The following ANO10 variants were observed in gnomAD, a reference collection of about 807,000 sequenced individuals.
ANO10 encodes the protein anoctamin-10.
Under a neutral mutation model 74.7 loss-of-function variants are expected in ANO10, and 77 were observed. The ratio of observed to expected loss-of-function variants is 1.03; its 90% CI spans 0.86 to 1.25. ANO10 has a LOEUF of 1.25. Among genes scored for constraint, ANO10 ranks in the 50% most tolerant of loss-of-function variants. The pLI is 0.00. For missense variants in ANO10, 721 were observed against 778.1 expected (o/e 0.93, Z 0.87); for synonymous variants, 279 against 284.9 (o/e 0.98, Z 0.21).
chr3:43,648,955 G>C (rs1433208878), intron 1 of ANO10, among the ~76,000 whole-genome samples: 1 of 152,194 alleles, frequency 6.6e-6, no homozygotes, highest in East Asian at 1.9e-4. Context: ...GGGATTACAG[G>C]CGTGAGCCAC....
chr3:43,591,405 C>T (rs944762738), intron 4 of ANO10, among the ~76,000 whole-genome samples: 1 of 152,156 alleles, frequency 6.6e-6, no homozygotes, highest in African/African-American at 2.4e-5. Flanking sequence ...TCTTCCATGA[C>T]TCACGGCTTA....
chr3:43,534,142 G>T (rs1212264294), intron 11 of ANO10, among the ~76,000 whole-genome samples: 2 of 152,048 alleles, frequency 1.3e-5, no homozygotes, highest in Non-Finnish European at 2.9e-5. Flanking sequence ...ATTACCCAGA[G>T]AATAAGTACA....
chr3:43,489,011 TC>T (rs1225035115), intron 11 of ANO10, among the ~76,000 whole-genome samples: 1 of 151,754 alleles, frequency 6.6e-6, no homozygotes, highest in East Asian at 1.9e-4. Flanking sequence ...TGAGTTCATG[TC>T]CTTTGTAGGG....
chr3:43,432,944 CTTTTTTTTTTTTTTTTT>C (rs5848663), intron 11 of ANO10, among the ~76,000 whole-genome samples: 6 of 55,276 alleles, frequency 1.1e-4, no homozygotes, highest in Non-Finnish European at 6.7e-5. Context: ...TTGCTTAATT[CTTTTTTTTTTTTTTTTT>C]TTTTTTTTTT....
intron 4 of ANO10, among the ~76,000 whole-genome samples, chr3:43,590,659 GA>G (rs1207214940): frequency 6.6e-6 from 1 of 152,210 alleles, no homozygotes; most frequent in Non-Finnish European, 1.5e-5. Context: ...ATGGAAAAGA[GA>G]AACTATTCTA....
chr3:43,569,916 A>G (rs2080606395), intron 7 of ANO10, among the ~76,000 whole-genome samples: 1 of 116,432 alleles, frequency 8.6e-6, no homozygotes, highest in Non-Finnish European at 1.8e-5. Context: ...TGCAGATGAC[A>G]TGATTGTATA....
At chr3:43,690,976 C>T (rs746546023) in intron 1 of ANO10, 4 of 1,571,684 alleles carry the variant, frequency 2.5e-6, no homozygotes, top group South Asian at 2.3e-5. Context: ...AGTCCCGGCG[C>T]TTGCGCGGCG....
At chr3:43,630,748 C>T (rs943303876) in intron 1 of ANO10, among the ~76,000 whole-genome samples, 1 of 152,214 alleles carries the variant, frequency 6.6e-6, no homozygotes, top group African/African-American at 2.4e-5. Flanking sequence ...AAAATTGTAA[C>T]TTATTCTGTC....
At chr3:43,460,384 G>T (rs1271888986) in intron 11 of ANO10, among the ~76,000 whole-genome samples, 1 of 152,194 alleles carries the variant, frequency 6.6e-6, no homozygotes, top group East Asian at 1.9e-4. Context: ...ATACATACAT[G>T]TGCCACACAT....
At chr3:43,605,077 CGCT>C (rs974891210) in intron 2 of ANO10, among the ~76,000 whole-genome samples, 2 of 152,054 alleles carry the variant, frequency 1.3e-5, no homozygotes, top group African/African-American at 4.8e-5. Flanking sequence ...CTAAAACACC[CGCT>C]GCTTTCTCAC....
intron 10 of ANO10, among the ~76,000 whole-genome samples, chr3:43,552,886 C>T (rs1342039724): frequency 6.6e-6 from 1 of 151,924 alleles, no homozygotes; most frequent in African/African-American, 2.4e-5. Context: ...CCCTGCCTCC[C>T]AGGTTCAAGC....
chr3:43,504,379 T>C (rs1241203596), intron 11 of ANO10, among the ~76,000 whole-genome samples: 1 of 151,960 alleles, frequency 6.6e-6, no homozygotes, highest in Non-Finnish European at 1.5e-5. Context: ...AAGTGTGATC[T>C]ACAGGTGAAA....
intron 10 of ANO10, among the ~76,000 whole-genome samples, chr3:43,553,697 A>G (rs2079598181): frequency 6.6e-6 from 1 of 151,886 alleles, no homozygotes; most frequent in Non-Finnish European, 1.5e-5. Flanking sequence ...CACCACGCCC[A>G]GCTAATTTTT....
At chr3:43,615,604 A>C (rs895807917) in intron 1 of ANO10, among the ~76,000 whole-genome samples, 38 of 151,920 alleles carry the variant, frequency 2.5e-4, no homozygotes, top group Admixed American at 1.8e-3. Context: ...TAAAATACAC[A>C]CTTCAGTTAA....
rs147043642 is a variant in ANO10 at position 43,594,939 on chromosome 3, C to T, written c.472+3593G>A. The stretch of plus-strand genomic sequence containing the variant: ...AAAATGATAAAGGGGATATCACCAC[C>T]GATCCCACAGAAATACAAATTACCA... On this transcript the variant is annotated intron_variant, in intron 4 of 12. Transcript: ENST00000292246. 3.9e-3 allele frequency among the ~76,000 whole-genome samples: 585 copies of T among 150,886 alleles called. 5 individuals are homozygous for T. Among genetic ancestry groups the T allele is most frequent in the African/African-American group, 8.3e-3 (342 of 41,058 alleles).
At chr3:43,442,352 CACACAAAAAT>C (rs1447264545) in intron 11 of ANO10, among the ~76,000 whole-genome samples, 2 of 151,812 alleles carry the variant, frequency 1.3e-5, no homozygotes, top group Admixed American at 6.6e-5. Flanking sequence ...ACAAAATCAA[CACACAAAAAT>C]CAGTTACATT....
chr3:43,670,016 G>A lies in ANO10; in HGVS notation c.-12+21501C>T, dbSNP rs182260144. Among the ~76,000 whole-genome samples the A allele has an allele frequency of 2.8e-4, 42 of 152,000 alleles. No individual in the cohort carries two copies. The East Asian group carries it at 5.7e-3, about 21-fold the overall frequency. On this transcript the variant is annotated intron_variant, in intron 1 of 3. Coordinates refer to the ANO10 transcript ENST00000413397. ...TGGGATTACAGGCATGAGCCACCGC[G>A]CCCAGCTTTTTAGTTTATTTTTAAA...
intron 1 of ANO10, among the ~76,000 whole-genome samples, chr3:43,655,698 C>T (rs567249744): frequency 5.3e-4 from 81 of 152,224 alleles, no homozygotes; most frequent in Non-Finnish European, 3.4e-4. Flanking sequence ...TTCTCCAAGG[C>T]CCCACCAGAG....
chr3:43,418,421 A>C (rs1354934278), intron 12 of ANO10, among the ~76,000 whole-genome samples: 1 of 152,256 alleles, frequency 6.6e-6, no homozygotes, highest in Non-Finnish European at 1.5e-5. Flanking sequence ...GGTGTACAGC[A>C]TGGGCTTTTT....
Sources: gnomAD v4.1 joint callset for allele counts (sites outside exome capture counted in the v4.1 genomes callset) on GRCh38, gnomAD v4.1.1 for gene constraint, MANE v1.5 for transcripts, NCBI Gene and HGNC (gene_info 2026-07-23, HGNC 2026-07-21) for gene names.